The following BAG6 variants were observed in gnomAD, a reference collection of about 807,000 sequenced individuals.
The protein encoded by BAG6 is BAG cochaperone 6.
BAG6 carries 22 observed loss-of-function variants against 121.0 expected under a neutral mutation model. That is an observed-to-expected ratio of 0.18 (90% confidence interval 0.13 to 0.26). BAG6 has a LOEUF of 0.26. Among genes scored for constraint, BAG6 ranks in the 10% least tolerant of loss-of-function variants. The pLI, the probability that BAG6 is intolerant of heterozygous loss-of-function variation, is 1.00. For synonymous variants in BAG6, 583 were observed against 584.6 expected (o/e 1.00, Z 0.04); for missense variants, 1,233 against 1,537.7 (o/e 0.80, Z 3.31).
rs1782798692 is a variant in BAG6, at chr6:31,641,554, A to G, written c.2544T>C (p.Tyr848=). The G allele has an allele frequency of 6.2e-6, 10 of 1,614,146 alleles. No homozygotes were observed. The highest frequency in any genetic ancestry group is 4.0e-5 in the African/African-American group (3 of 75,054). ...THTLITGLEE[Y]VRESFSLVQV... is the part of the protein sequence containing the mutation. ...GGTTACTCACAAAACTCTCCCGCAC[A>G]TACTCTTCTAGCCCCGTGATCAATG... Residue 848 remains tyrosine (Y), a synonymous_variant, in exon 18 of 26, where the codon TAT becomes TAC. Transcript: ENST00000676615. The surrounding 1 kb of genome is among the most constrained non-coding windows in gnomAD (Gnocchi z 5.7).
At chr6:31,646,569 T>C in intron 7 of BAG6, 46 bp from the exon 8 acceptor site, 1 of 1,601,790 alleles carries the variant, frequency 6.2e-7, no homozygotes, top group Non-Finnish European at 8.5e-7. Flanking sequence ...TTCCTCAGAT[T>C]CCCACCCTCA....
intron 25 of BAG6, 98 bp from the exon 26 acceptor site, chr6:31,639,324 C>G: frequency 6.9e-7 from 1 of 1,453,946 alleles, no homozygotes; most frequent in East Asian, 2.3e-5. Flanking sequence ...ACATTTCCCC[C>G]CCCAAGCACA....
At chr6:31,639,341 A>G in intron 25 of BAG6, 115 bp from the exon 26 acceptor site, 1 of 1,448,886 alleles carries the variant, frequency 6.9e-7, no homozygotes, top group Non-Finnish European at 9.5e-7. Flanking sequence ...CACACTGTCA[A>G]ATAGCCCGGG....
Position 31,644,445 on chromosome 6 carries a change from C to A in BAG6, c.1448-31G>T. 1.3e-6 allele frequency: 2 copies of A among 1,553,896 alleles called. No homozygotes were observed. The highest frequency in any genetic ancestry group is 1.9e-5 in the Admixed American group (1 of 51,910). ...GGGCGGGTCTGATGTAACCTTGAAC[C>A]TGGACCCCTTCAACCCACCCACTCA... is the stretch of plus-strand genomic sequence containing the variant. On this transcript the variant is annotated intron_variant, in intron 11 of 25. Transcript: ENST00000676615. This position sits in a 1 kb window ranked among gnomAD's most constrained non-coding sequence, Gnocchi z 4.9.
At position 31,639,631 on chromosome 6, in the gene BAG6, C is replaced by T. The variant is rs780606550; in HGVS notation, c.3262G>A (p.Gly1088Ser). 8.7e-6 allele frequency: 14 copies of T among 1,611,788 alleles called. No homozygotes were observed. The Admixed American group carries it at 1.3e-4, about 15-fold the overall frequency. The change falls in exon 25 of 26, where the codon GGC (glycine) becomes AGC (serine). Residue 1088 changes from glycine to serine, a missense_variant. Transcript: ENST00000676615. ...AKRRKTMQGE[G>S]PQLLLSEAVS... ...GCCTCTGAGAGAAGCAGCTGGGGGC[C>T]CTCACCCTGCATCGTCTGGGGGACA...
In BAG6 at chr6:31,645,105, C is replaced by A. The variant is rs1040073274; in HGVS notation, c.1210G>T (p.Ala404Ser). ...GTAGAAGACGGAGCCACGGATGAGG[C>A]CTGCCCAGGACCAGGGGGAGGTGCC... ...AEAPPPGPGQ[A>S]SSVAPSSTNV... The change falls in exon 10 of 26, where the codon GCC becomes TCC. Residue 404 changes from alanine (A) to serine (S), a missense_variant. Physicochemically the swap from Ala to Ser is moderately conservative, Grantham distance 99 (BLOSUM62 1). Coordinates refer to ENST00000676615, the MANE Select transcript of BAG6 (RefSeq NM_001387994.1). 1 of 1,613,004 alleles carries A rather than the reference C, an allele frequency of 6.2e-7. No individual in the cohort carries two copies. The highest frequency in any genetic ancestry group is 8.5e-7 in the Non-Finnish European group (1 of 1,180,004).
rs1179581551 is a variant in BAG6 at position 31,642,984 on chromosome 6, G to A, written c.1888C>T (p.Pro630Ser). ...GAGAACTGAAGATCAGCCATGGAGG[G>A]TTGAGGGGTGGGTGGAGGCTGGGCA... ...GPAQPPPTPQ[P>S]SMADLQFSQL... Residue 630 changes from proline to serine, a missense_variant, in exon 15 of 26, where the codon CCC becomes TCC. Physicochemically the swap from Pro to Ser is moderately conservative, Grantham distance 74. Coordinates refer to ENST00000676615, the MANE Select transcript of BAG6 (RefSeq NM_001387994.1). 1.3e-6 allele frequency: 2 copies of A among 1,598,764 alleles called. No individual in the cohort carries two copies. Among genetic ancestry groups the A allele is most frequent in the East Asian group, 2.2e-5 (1 of 44,458 alleles).
rs1554157704 is a variant in BAG6, at chr6:31,652,355, A to ACACC, written c.-14+68_-14+69insGGTG. On this transcript the variant is annotated intron_variant, in intron 1 of 25. Transcript: ENST00000676615. Reference sequence around the variant, plus strand: ...CACACACACACACACACACACACACACACACCCACCACCCCGCGGCTCCGC... The same window carrying ACACC: ...CACACACACACACACACACACACACACACCCACACCCACCACCCCGCGGCTCCGC... The ACACC allele has an allele frequency of 3.8e-3, 564 of 147,500 alleles. 3 individuals carry two copies. Among genetic ancestry groups the ACACC allele is most frequent in the Middle Eastern group, 7.2e-3 (2 of 278 alleles). 9.1% of individuals were successfully genotyped at this position (147,500 alleles called of 1,614,324 possible). A position where few individuals can be genotyped will look rare whatever the true frequency, so the allele number is the denominator to read the frequency against.
At chr6:31,647,454 C>G in intron 7 of BAG6, 137 bp downstream of exon 7, 3 of 1,280,940 alleles carry the variant, frequency 2.3e-6, no homozygotes, top group Non-Finnish European at 2.2e-6. Flanking sequence ...CCGAGAGAGC[C>G]CCTCCTCGCC....
intron 8 of BAG6, among the ~76,000 whole-genome samples, chr6:31,646,177 G>A (rs1189098342): frequency 1.3e-5 from 2 of 152,094 alleles, no homozygotes; most frequent in East Asian, 3.9e-4. Context: ...GTAGAGATGG[G>A]GTTGCACCAT....
chr6:31,646,702 C>T (rs1330395195), intron 7 of BAG6, among the ~76,000 whole-genome samples, 179 bp from the exon 8 acceptor site: 2 of 151,544 alleles, frequency 1.3e-5, no homozygotes, highest in Non-Finnish European at 2.9e-5. Context: ...TCAAACGATT[C>T]TCCTGCCTCT....
chr6:31,650,987 C>A (rs2151042432), intron 2 of BAG6, among the ~76,000 whole-genome samples: 1 of 152,314 alleles, frequency 6.6e-6, no homozygotes. Flanking sequence ...CCTTTAAGAA[C>A]ACAGCATAGA....
At position 31,648,977 on chromosome 6, in the gene BAG6, T is replaced by C. The variant is rs765807145; in HGVS notation, c.424-13A>G. 1 of 1,524,332 alleles carries C rather than the reference T, an allele frequency of 6.6e-7. No individual in the cohort carries two copies. The highest frequency in any genetic ancestry group is 8.8e-7 in the Non-Finnish European group (1 of 1,139,884). 94.4% of individuals were successfully genotyped at this position (1,524,332 alleles called of 1,614,324 possible). On this transcript the variant is annotated splice_polypyrimidine_tract_variant and intron_variant, in intron 4 of 25. Coordinates refer to ENST00000676615, the MANE Select transcript of BAG6 (RefSeq NM_001387994.1). ...CAGAGCCGTCACTCTGGGGAAAGGG[T>C]AAGGGAAGTTGTTCTGGGAGAAGCC...
chr6:31,644,893 T>A lies in BAG6; in HGVS notation c.1369+53A>T. ...CACCCTGTTCCCTCACACCTCAGCA[T>A]GAACCTCCCTCATCATGCTGATCCT... On this transcript the variant is annotated intron_variant, in intron 10 of 25. Coordinates refer to ENST00000676615, the MANE Select transcript of BAG6 (RefSeq NM_001387994.1). This position sits in a 1 kb window ranked among gnomAD's most constrained non-coding sequence, Gnocchi z 4.9. The A allele has an allele frequency of 3.9e-6, 6 of 1,540,826 alleles. No homozygotes were observed. The highest frequency in any genetic ancestry group is 5.2e-6 in the Non-Finnish European group (6 of 1,143,932).
rs1195220483 is a variant in BAG6 at position 31,640,436 on chromosome 6, T to C, written c.3087A>G (p.Glu1029=). The C allele has an allele frequency of 5.0e-6, 8 of 1,613,696 alleles. No individual in the cohort carries two copies. Among genetic ancestry groups the C allele is most frequent in the African/African-American group, 1.3e-5 (1 of 74,918 alleles). The change falls in exon 23 of 26, where the codon GAA becomes GAG. Residue 1029 remains glutamate (E), a synonymous_variant. Transcript: ENST00000676615. This position sits in a 1 kb window ranked among gnomAD's most constrained non-coding sequence, Gnocchi z 4.2. ...PPAPEGGSRD[E]QDGASAETEP... ...CTGTCTCAGCTGAAGCTCCATCCTG[T>C]TCATCCCGGGAGCCCCCCTCAGGAG...
Position 31,641,037 on chromosome 6 carries a change from G to T in BAG6, c.2787+67C>A. The T allele has an allele frequency of 1.3e-6, 2 of 1,598,232 alleles. No individual in the cohort carries two copies. Among genetic ancestry groups the T allele is most frequent in the Non-Finnish European group, 1.7e-6 (2 of 1,172,258 alleles). ...GAATGTCAGTTTAGAAAAGAAAAAT[G>T]AAAACTGCAGAGAATGGAAACCTCA... is the stretch of plus-strand genomic sequence containing the variant. On this transcript the variant is annotated intron_variant, in intron 20 of 25. Transcript: ENST00000676615. This position sits in a 1 kb window ranked among gnomAD's most constrained non-coding sequence, Gnocchi z 5.7.
Position 31,648,756 on chromosome 6 carries a change from A to G in BAG6, c.478-5T>C. 6.2e-7 allele frequency: 1 copy of G among 1,614,052 alleles called. No individual in the cohort carries two copies. Among genetic ancestry groups the G allele is most frequent in the South Asian group, 1.1e-5 (1 of 91,072 alleles). On this transcript the variant is annotated splice_polypyrimidine_tract_variant and splice_region_variant and intron_variant, in intron 5 of 25. Coordinates refer to ENST00000676615, the MANE Select transcript of BAG6 (RefSeq NM_001387994.1). ...CAGCCGTACCCGGGGCTCACTCTAC[A>G]ATGAGAGAAGGTTTATCAGGGTAGG...
At chr6:31,652,086 C>A in intron 1 of BAG6, 1 of 274,838 alleles carries the variant, frequency 3.6e-6, no homozygotes, top group Non-Finnish European at 7.2e-6. Flanking sequence ...TCACCGGTCA[C>A]GGCAGGACAA....
chr6:31,639,411 A>C (rs1780018246), intron 25 of BAG6, 89 bp downstream of exon 25: 1 of 1,543,314 alleles, frequency 6.5e-7, no homozygotes. Flanking sequence ...CACCAGGCTG[A>C]CCAGTTCATC....
Sources: allele counts gnomAD v4.1 joint callset (sites outside exome capture counted in the v4.1 genomes callset), GRCh38; gene constraint gnomAD v4.1.1; non-coding constraint Gnocchi (gnomAD v3.1); transcripts MANE v1.5; gene names NCBI Gene and HGNC (gene_info 2026-07-23, HGNC 2026-07-21).